WAC: variants seen among roughly 807,000 people sequenced by gnomAD.
WAC encodes the protein WW domain containing adaptor with coiled-coil, also known as WW domain-containing adapter protein with coiled-coil.
Under a neutral mutation model 79.6 loss-of-function variants are expected in WAC, and 11 were observed. The ratio of observed to expected loss-of-function variants is 0.14; its 90% CI spans 0.09 to 0.23. The LOEUF is 0.23. WAC is among the 10% of genes least tolerant of loss of function. The pLI is 1.00. For synonymous variants in WAC, 304 were observed against 276.9 expected, an observed-to-expected ratio of 1.10 and a Z score of -0.97; for missense variants, 728 against 773.5, an observed-to-expected ratio of 0.94 and a Z score of 0.70.
At chr10:28,547,413 T>C (rs1837412314) in intron 3 of WAC, among the ~76,000 whole-genome samples, 1 of 152,012 alleles carries the variant, frequency 6.6e-6, no homozygotes, top group Non-Finnish European at 1.5e-5. Context: ...CATGTGCCTG[T>C]AATCCCAGCT....
chr10:28,560,237 C>G (rs1375931816), intron 3 of WAC, among the ~76,000 whole-genome samples: 2 of 152,006 alleles, frequency 1.3e-5, no homozygotes, highest in Admixed American at 1.3e-4. Flanking sequence ...ACCTGTAGTA[C>G]CAGCTGCTAG....
chr10:28,569,915 C>G lies in WAC; in HGVS notation c.275-13484C>G, dbSNP rs547380479. ...TTGAATAAACAACCATTTCATAGTT[C>G]AACAGCACCAAAAGTGTCCAATATT... On this transcript the variant is annotated intron_variant, in intron 3 of 13. Transcript: ENST00000354911. Among the ~76,000 whole-genome samples the G allele has an allele frequency of 3.5e-4, 53 of 152,274 alleles. No homozygotes were observed. The East Asian group carries it at 6.7e-3, about 19-fold the overall frequency.
At chr10:28,578,261 A>G (rs779618877) in intron 3 of WAC, among the ~76,000 whole-genome samples, 7 of 152,228 alleles carry the variant, frequency 4.6e-5, no homozygotes, top group Non-Finnish European at 5.9e-5. Flanking sequence ...ATTCAGATCC[A>G]CTACTGAGCT....
At chr10:28,579,269 T>C (rs1187956216) in intron 3 of WAC, among the ~76,000 whole-genome samples, 1 of 152,082 alleles carries the variant, frequency 6.6e-6, no homozygotes, top group Non-Finnish European at 1.5e-5. Context: ...ATTGCCTCCG[T>C]TGCTTTTTTG....
At chr10:28,565,909 C>A (rs1419656646) in intron 3 of WAC, among the ~76,000 whole-genome samples, 1 of 152,030 alleles carries the variant, frequency 6.6e-6, no homozygotes, top group African/African-American at 2.4e-5. Flanking sequence ...ATTTTGCTGC[C>A]ACTCTGTATT....
chr10:28,609,816 G>T (rs1841138826), intron 8 of WAC, among the ~76,000 whole-genome samples: 1 of 152,044 alleles, frequency 6.6e-6, no homozygotes, highest in Non-Finnish European at 1.5e-5. Flanking sequence ...GAAGGCTATG[G>T]TAAGCTGTGA....
chr10:28,616,346 A>T lies in WAC; in HGVS notation c.1730A>T (p.Asp577Val), dbSNP rs1841466189. 2 of 1,610,442 alleles carry T rather than the reference A, an allele frequency of 1.2e-6. No homozygotes were observed. The highest frequency in any genetic ancestry group is 2.7e-5 in the African/African-American group (2 of 74,888). Residue 577 changes from aspartate to valine, a missense_variant, in exon 12 of 14, where the codon GAT (aspartate) becomes GTT (valine). Transcript: ENST00000354911. ...AAACACGTTCAAGGATGGCCTGCAG[A>T]TCATGCAGAGAAGCAGGTATGTTAT... ...LIKHVQGWPA[D>V]HAEKQASRLR...
intron 3 of WAC, among the ~76,000 whole-genome samples, chr10:28,552,047 A>G (rs1250537674): frequency 6.6e-6 from 1 of 152,152 alleles, no homozygotes; most frequent in African/African-American, 2.4e-5. Context: ...TCCTGACCTC[A>G]GGTGATCCAC....
intron 3 of WAC, among the ~76,000 whole-genome samples, chr10:28,563,958 T>C (rs144289829): frequency 6.6e-6 from 1 of 151,924 alleles, no homozygotes; most frequent in Admixed American, 6.6e-5. Context: ...GAGGCTTGTT[T>C]TCTGAAACAC....
intron 3 of WAC, among the ~76,000 whole-genome samples, chr10:28,545,674 A>G (rs1309348902): frequency 6.6e-6 from 1 of 152,220 alleles, no homozygotes; most frequent in Non-Finnish European, 1.5e-5. Flanking sequence ...TTCTTGTTTT[A>G]AAGAATTCTC....
chr10:28,614,065 A>G (rs1841365490), intron 10 of WAC, among the ~76,000 whole-genome samples: 1 of 152,210 alleles, frequency 6.6e-6, no homozygotes, highest in South Asian at 2.1e-4. Flanking sequence ...AGAAGAGATA[A>G]TAATGTATTG....
chr10:28,594,717 T>C (rs1840265770), intron 6 of WAC, among the ~76,000 whole-genome samples: 1 of 152,174 alleles, frequency 6.6e-6, no homozygotes, highest in Non-Finnish European at 1.5e-5. Flanking sequence ...TGAAAAAAAC[T>C]ATACAATAAT....
chr10:28,562,552 T>C (rs1838359768), intron 3 of WAC, among the ~76,000 whole-genome samples: 1 of 152,230 alleles, frequency 6.6e-6, no homozygotes. Context: ...AGATGCTGAA[T>C]GATATGGTGA....
rs79122261 is a variant in WAC, at chr10:28,564,907, G to T, written c.275-18492G>T. Among the ~76,000 whole-genome samples the T allele has an allele frequency of 4.3e-3, 650 of 152,228 alleles. 6 individuals carry two copies. Among genetic ancestry groups the T allele is most frequent in the African/African-American group, 0.015 (616 of 41,542 alleles). ...CAGGGTTGGTTGTTGTTTTTTGCAT[G>T]AATACGTTAAGGTGACTACCGCCAC... is the stretch of plus-strand genomic sequence containing the variant. On this transcript the variant is annotated intron_variant, in intron 3 of 13. Coordinates refer to ENST00000354911, the MANE Select transcript of WAC (RefSeq NM_016628.5).
chr10:28,603,514 A>G (rs1347837312), intron 7 of WAC, among the ~76,000 whole-genome samples: 1 of 152,200 alleles, frequency 6.6e-6, no homozygotes, highest in African/African-American at 2.4e-5. Context: ...CTTTTCAAAG[A>G]TGTGGATTTT....
chr10:28,583,402 C>T lies in WAC; in HGVS notation c.278C>T (p.Thr93Ile), dbSNP rs558265663. 1.9e-6 allele frequency: 3 copies of T among 1,571,752 alleles called. No homozygotes were observed. Among genetic ancestry groups the T allele is most frequent in the East Asian group, 4.6e-5 (2 of 43,382 alleles). The change falls in exon 4 of 14, where the codon ACC becomes ATC. Residue 93 changes from threonine (T) to isoleucine (I), a missense_variant. Physicochemically the swap from Thr to Ile is moderately conservative, Grantham distance 89. Around this residue, in one of 3 missense-constraint regions of WAC, gnomAD observed 648 missense variants for 661.5 expected, o/e 0.98. Coordinates refer to ENST00000354911, the MANE Select transcript of WAC (RefSeq NM_016628.5). Reference sequence around the variant, plus strand: ...CTTTGTTCTTTATTTTTTTAAGGGACCAGTTACTCTCCACAAGAAAATTCA... The same window carrying T: ...CTTTGTTCTTTATTTTTTTAAGGGATCAGTTACTCTCCACAAGAAAATTCA... Reference protein sequence around the residue: ...THRVRERDGGTSYSPQENSHN... With the variant: ...THRVRERDGGISYSPQENSHN...
chr10:28,565,750 T>C (rs1370973121), intron 3 of WAC, among the ~76,000 whole-genome samples: 2 of 152,214 alleles, frequency 1.3e-5, no homozygotes, highest in Non-Finnish European at 2.9e-5. Flanking sequence ...ATTTTGCTCA[T>C]AAAATAACAC....
chr10:28,541,415 G>GTGTTTTTTTT (rs1212601285), intron 3 of WAC, among the ~76,000 whole-genome samples: 10 of 37,904 alleles, frequency 2.6e-4, no homozygotes, highest in Non-Finnish European at 3.4e-4. Flanking sequence ...GTGTGTGTGT[G>GTGTTTTTTTT]TTTTGTTTTT....
chr10:28,585,230 G>A (rs1476704179), intron 4 of WAC, among the ~76,000 whole-genome samples: 1 of 152,126 alleles, frequency 6.6e-6, no homozygotes, highest in Non-Finnish European at 1.5e-5. Flanking sequence ...TTAGAACCCA[G>A]TAGCATAGAG....
Sources: gnomAD v4.1 joint callset for allele counts (sites outside exome capture counted in the v4.1 genomes callset) on GRCh38, gnomAD v4.1.1 for gene constraint, gnomAD v4.1.1 regional missense constraint, MANE v1.5 for transcripts, NCBI Gene and HGNC (gene_info 2026-07-23, HGNC 2026-07-21) for gene names.